The following FRA10AC1 variants were observed in gnomAD, a reference collection of about 807,000 sequenced individuals.
FRA10AC1 encodes the protein FRA10A associated CGG repeat 1.
A neutral mutation model predicts 56.5 loss-of-function variants in FRA10AC1; 43 were observed. The observed-to-expected ratio is 0.76, with a 90% CI of 0.60 to 0.98. The LOEUF is 0.98. Ranked by LOEUF, FRA10AC1 falls within the 50% of genes least tolerant of loss-of-function variation. FRA10AC1 has a pLI of 0.00. For synonymous variants in FRA10AC1, 112 were observed against 110.5 expected, an observed-to-expected ratio of 1.01 and a Z score of -0.09; for missense variants, 346 against 351.8, an observed-to-expected ratio of 0.98 and a Z score of 0.13.
chr10:93,699,896 G>C (rs2059300428), intron 2 of FRA10AC1, 134 bp downstream of exon 2: 1 of 564,396 alleles, frequency 1.8e-6, no homozygotes, highest in Non-Finnish European at 3.1e-6. Flanking sequence ...TTAGCTTAAT[G>C]AACAAAAATT....
intron 12 of FRA10AC1, chr10:93,671,829 T>A: frequency 3.1e-6 from 1 of 325,222 alleles, no homozygotes; most frequent in Non-Finnish European, 5.9e-6. Flanking sequence ...ATATTACCTG[T>A]GGGCCTGGAA....
intron 11 of FRA10AC1, among the ~76,000 whole-genome samples, chr10:93,679,809 A>G (rs554435137): frequency 6.6e-6 from 1 of 152,204 alleles, no homozygotes; most frequent in Non-Finnish European, 1.5e-5. Context: ...ACAGTAGCCT[A>G]TAAGAGAAAA....
chr10:93,694,791 A>G (rs961032205), intron 5 of FRA10AC1, 70 bp downstream of exon 5: 9 of 747,812 alleles, frequency 1.2e-5, no homozygotes, highest in Admixed American at 1.1e-4. Flanking sequence ...ATCAGAAGGC[A>G]CAGTAGCTGT....
rs60832838 is a variant in FRA10AC1 at position 93,702,522 on chromosome 10, A to ACCACCGCCGCCGCCGCCGCGCCGCCGCCG, written c.-149_-148insCGGCGGCGGCGCGGCGGCGGCGGCGGTGG. On this transcript the variant is annotated 5_prime_UTR_variant, in exon 1 of 14. Transcript: ENST00000359204. ...GCCGCACAGCCTCGCCACAACCACC[A>ACCACCGCCGCCGCCGCCGCGCCGCCGCCG]CCGCCGCCGCCGCCGCCGCCGCCGC... The ACCACCGCCGCCGCCGCCGCGCCGCCGCCG allele has an allele frequency of 2.4e-5, 5 of 211,550 alleles. No individual in the cohort carries two copies. The highest frequency in any genetic ancestry group is 4.6e-5 in the Non-Finnish European group (5 of 107,802). 13.1% of individuals were successfully genotyped at this position (211,550 alleles called of 1,614,324 possible).
intron 12 of FRA10AC1, chr10:93,673,038 T>C: frequency 5.2e-6 from 1 of 191,370 alleles, no homozygotes; most frequent in South Asian, 9.4e-5. Flanking sequence ...AACCTGGAGG[T>C]CATTTAATCC....
chr10:93,676,768 T>TA, intron 11 of FRA10AC1, 77 bp from the exon 12 acceptor site: 1 of 1,456,970 alleles, frequency 6.9e-7, no homozygotes, highest in African/African-American at 1.4e-5. Flanking sequence ...CCAGAATTCT[T>TA]AGCAATATTC....
At chr10:93,675,941 C>A (rs1282805468) in intron 12 of FRA10AC1, among the ~76,000 whole-genome samples, 1 of 152,162 alleles carries the variant, frequency 6.6e-6, no homozygotes, top group African/African-American at 2.4e-5. Context: ...CCATAGAAGA[C>A]TCTTCTCTCA....
In FRA10AC1 at chr10:93,693,511, CCATATATATATATATACACCAT is replaced by C. The variant is rs1213418909; in HGVS notation, c.297-804_297-783del. 6.7e-3 allele frequency among the ~76,000 whole-genome samples: 127 copies of C among 18,820 alleles called. 9 individuals carry two copies. The highest frequency in any genetic ancestry group is 0.016 in the African/African-American group (120 of 7,348). The allele number at this position is 18,820 out of a possible 152,430, so 12.3% of individuals were successfully genotyped here. On this transcript the variant is annotated intron_variant, in intron 5 of 13. Coordinates refer to ENST00000359204, the MANE Select transcript of FRA10AC1 (RefSeq NM_145246.5). ...ATATATATATATATATATATATACACCATATATATATATATACACCATATATATATATATATACACACATACA... is the reference window on the plus strand; with the variant it reads ...ATATATATATATATATATATATACACATATATATATATATACACACATACA...
intron 8 of FRA10AC1, among the ~76,000 whole-genome samples, chr10:93,686,564 C>T (rs191537662): frequency 1.2e-4 from 18 of 151,646 alleles, no homozygotes; most frequent in Non-Finnish European, 1.9e-4. Context: ...GTTAAAATAG[C>T]TTTAAATTTA....
At chr10:93,685,431 C>A in intron 8 of FRA10AC1, 72 bp from the exon 9 acceptor site, 2 of 690,938 alleles carry the variant, frequency 2.9e-6, no homozygotes, top group South Asian at 1.9e-5. Flanking sequence ...AGTATTACCC[C>A]TAAAATGTAC....
chr10:93,672,642 C>G (rs1467181126), intron 12 of FRA10AC1: 1 of 152,110 alleles, frequency 6.6e-6, no homozygotes, highest in Non-Finnish European at 1.5e-5. Context: ...CTTTCTTACA[C>G]CAGTTTTCTG....
intron 9 of FRA10AC1, among the ~76,000 whole-genome samples, chr10:93,684,417 A>G (rs1346650194): frequency 2.6e-5 from 4 of 152,010 alleles, no homozygotes; most frequent in Non-Finnish European, 5.9e-5. Flanking sequence ...TAATAATGTG[A>G]GTATAGTCAT....
rs1206865964 is a variant in FRA10AC1 at position 93,702,540 on chromosome 10, G to A, written c.-166C>T. ...AACCACCACCGCCGCCGCCGCCGCC[G>A]CCGCCGCCCGCAACCCGCCTCTCCC... On this transcript the variant is annotated 5_prime_UTR_variant, in exon 1 of 14. Coordinates refer to ENST00000359204, the MANE Select transcript of FRA10AC1 (RefSeq NM_145246.5). The A allele has an allele frequency of 3.0e-5, 7 of 233,222 alleles. No homozygotes were observed. Among genetic ancestry groups the A allele is most frequent in the East Asian group, 1.5e-4 (1 of 6,576 alleles). The allele number at this position is 233,222 out of a possible 1,614,324, so 14.4% of individuals were successfully genotyped here.
At chr10:93,677,106 A>T (rs2058854758) in intron 11 of FRA10AC1, among the ~76,000 whole-genome samples, 1 of 152,236 alleles carries the variant, frequency 6.6e-6, no homozygotes, top group South Asian at 2.1e-4. Context: ...ATATGCAGGT[A>T]AGTATTAGTT....
In FRA10AC1 at chr10:93,698,173, G is replaced by T; in HGVS notation, c.182C>A (p.Ala61Glu). 6.3e-7 allele frequency: 1 copy of T among 1,581,946 alleles called. No homozygotes were observed. Among genetic ancestry groups the T allele is most frequent in the Non-Finnish European group, 8.6e-7 (1 of 1,160,688 alleles). Residue 61 changes from alanine (A) to glutamate (E), a missense_variant, in exon 4 of 14, where the codon GCA (alanine) becomes GAA (glutamate). Coordinates refer to ENST00000359204, the MANE Select transcript of FRA10AC1 (RefSeq NM_145246.5). Reference protein sequence around the residue: ...VAAELLDREEARNRRFHLIAM... With the variant: ...VAAELLDREEERNRRFHLIAM... ...TATGAGATGAAACCTTCTATTTCTTGCTTCTTCCCTGTTAAAACAAATTTT... is the reference window on the plus strand; with the variant it reads ...TATGAGATGAAACCTTCTATTTCTTTCTTCTTCCCTGTTAAAACAAATTTT...
At chr10:93,683,560 A>G (rs993693607) in intron 10 of FRA10AC1, among the ~76,000 whole-genome samples, 1 of 152,164 alleles carries the variant, frequency 6.6e-6, no homozygotes, top group African/African-American at 2.4e-5. Flanking sequence ...CATGTTGGCC[A>G]GGCTGGTCTC....
rs2058805139 is a variant in FRA10AC1 at position 93,673,930 on chromosome 10, A to T, written c.826+2723T>A. The T allele has an allele frequency of 2.0e-5, 5 of 245,816 alleles. 1 individual carries two copies. Among genetic ancestry groups the T allele is most frequent in the Non-Finnish European group, 4.1e-5 (5 of 121,390 alleles). The allele number at this position is 245,816 out of a possible 1,614,324, so 15.2% of individuals were successfully genotyped here. ...AGACATACAGTTGATTTCACTGATG[A>T]ACAGTTATTGATTGATGATACAGGT... On this transcript the variant is annotated intron_variant, in intron 12 of 13. Transcript: ENST00000359204.
Position 93,687,497 on chromosome 10 carries a change from C to A in FRA10AC1, c.466-48G>T, listed in dbSNP as rs113707735. The A allele has an allele frequency of 1.7e-5, 24 of 1,410,046 alleles. 1 individual carries two copies. Among genetic ancestry groups the A allele is most frequent in the African/African-American group, 4.4e-5 (3 of 68,226 alleles). The allele number at this position is 1,410,046 out of a possible 1,614,324, so 87.3% of individuals were successfully genotyped here. On this transcript the variant is annotated intron_variant, in intron 7 of 13. Transcript: ENST00000359204. ...TATGCCAATGTAAATTTAAATTATA[C>A]AGAAATCTAAACATGGAGCCAACAA...
upstream of FRA10AC1, chr10:93,702,626 C>T (rs1161302432): frequency 3.0e-5 from 6 of 198,466 alleles, no homozygotes; most frequent in South Asian, 4.2e-4. Flanking sequence ...ATCTAAATGG[C>T]ACCGTCCCCC....
Sources: allele counts gnomAD v4.1 joint callset (sites outside exome capture counted in the v4.1 genomes callset), GRCh38; gene constraint gnomAD v4.1.1; transcripts MANE v1.5; gene names NCBI Gene and HGNC (gene_info 2026-07-23, HGNC 2026-07-21).